SLC35F3: variants seen among roughly 807,000 people sequenced by gnomAD.
SLC35F3 encodes the protein solute carrier family 35 member F3.
A neutral mutation model predicts 49.9 loss-of-function variants in SLC35F3; 25 were observed. The ratio of observed to expected loss-of-function variants is 0.50; its 90% CI spans 0.37 to 0.70. The LOEUF (loss-of-function observed/expected upper bound fraction) is 0.70. SLC35F3 is among the 30% of genes least tolerant of loss of function. SLC35F3 has a pLI of 0.00. For synonymous variants in SLC35F3, 275 were observed against 265.4 expected (o/e 1.04, Z -0.35); for missense variants, 525 against 639.8 (o/e 0.82, Z 1.94).
intron 2 of SLC35F3, among the ~76,000 whole-genome samples, chr1:233,948,055 A>G (rs1016714975): frequency 2.0e-5 from 3 of 150,406 alleles, no homozygotes; most frequent in African/African-American, 7.4e-5. Context: ...AAGAGGCTGG[A>G]AACAGGTGGA....
chr1:234,304,049 CTTTCCTTCCTTTCCTTCCTTCCTTT>C (rs1174022738), intron 3 of SLC35F3, among the ~76,000 whole-genome samples: 1 of 104,762 alleles, frequency 9.5e-6, no homozygotes, highest in Non-Finnish European at 2.1e-5. Flanking sequence ...TTCCTTCTTT[CTTTCCTTCCTTTCCTTCCTTCCTTT>C]CTTCCTTCCT....
chr1:234,322,104 G>A (rs1348978672), intron 7 of SLC35F3, among the ~76,000 whole-genome samples: 1 of 151,692 alleles, frequency 6.6e-6, no homozygotes, highest in African/African-American at 2.4e-5. Context: ...CTGGATGGGA[G>A]AATCGCTTGA....
intron 2 of SLC35F3, among the ~76,000 whole-genome samples, chr1:233,930,092 T>A (rs554073420): frequency 2.6e-5 from 4 of 151,828 alleles, no homozygotes; most frequent in African/African-American, 9.7e-5. Context: ...GAAGCCATGA[T>A]GAGCTATGAT....
intron 2 of SLC35F3, among the ~76,000 whole-genome samples, chr1:233,932,384 G>A (rs1465943222): frequency 6.6e-6 from 1 of 152,134 alleles, no homozygotes; most frequent in African/African-American, 2.4e-5. Context: ...GTTCAAATCT[G>A]TGTTGTCGAA....
chr1:233,918,798 T>C (rs34686596), intron 2 of SLC35F3, among the ~76,000 whole-genome samples: 847 of 49,818 alleles, frequency 0.017, 4 homozygotes, highest in Admixed American at 0.077. Context: ...CTCTCTCTCT[T>C]TCTCTCTCTC....
At chr1:234,316,034 A>G (rs1307686677) in intron 4 of SLC35F3, among the ~76,000 whole-genome samples, 2 of 152,242 alleles carry the variant, frequency 1.3e-5, no homozygotes, top group Non-Finnish European at 2.9e-5. Context: ...AAGGAAAGGA[A>G]TAGCACCTCC....
chr1:234,024,637 T>A (rs1663948012), intron 2 of SLC35F3, among the ~76,000 whole-genome samples: 1 of 152,118 alleles, frequency 6.6e-6, no homozygotes, highest in Non-Finnish European at 1.5e-5. Flanking sequence ...TGCATGTTCA[T>A]ATTCCTCTGC....
intron 2 of SLC35F3, among the ~76,000 whole-genome samples, chr1:233,913,341 C>T (rs1019409887): frequency 1.3e-5 from 2 of 152,192 alleles, no homozygotes; most frequent in Non-Finnish European, 2.9e-5. Context: ...ATGCCTGTCA[C>T]CTTCCTCATC....
In SLC35F3 at chr1:234,268,055, C is replaced by T. The variant is rs1311817748; in HGVS notation, c.608+36314C>T. The stretch of plus-strand genomic sequence containing the variant: ...GCTCCTCACTTCCCAGACGGGGTGG[C>T]GGCCGGGCAGAGGCTGCAATCTCGG... On this transcript the variant is annotated intron_variant, in intron 3 of 7. Coordinates refer to ENST00000366618, the MANE Select transcript of SLC35F3 (RefSeq NM_173508.4). Among the ~76,000 whole-genome samples the T allele has an allele frequency of 5.3e-4, 80 of 152,070 alleles. 1 individual carries two copies. The highest frequency in any genetic ancestry group is 1.8e-3 in the African/African-American group (75 of 41,446).
intron 2 of SLC35F3, among the ~76,000 whole-genome samples, chr1:234,216,904 G>T (rs536019494): frequency 3.9e-4 from 60 of 152,310 alleles, no homozygotes; most frequent in African/African-American, 1.3e-3. Context: ...GCCCCTCGGG[G>T]CCTCATAAAA....
Position 234,231,457 on chromosome 1 carries a change from C to T in SLC35F3, c.324C>T (p.Ala108=), listed in dbSNP as rs758300347. 1.2e-6 allele frequency: 2 copies of T among 1,609,202 alleles called. No homozygotes were observed. Among genetic ancestry groups the T allele is most frequent in the Non-Finnish European group, 1.7e-6 (2 of 1,177,510 alleles). Residue 108 remains alanine (A), a synonymous_variant, in exon 3 of 8, where the codon GCC becomes GCT. Coordinates refer to ENST00000366618, the MANE Select transcript of SLC35F3 (RefSeq NM_173508.4). The surrounding 1 kb of genome is among the most constrained non-coding windows in gnomAD (Gnocchi z 5.4). Reference sequence around the variant, plus strand: ...GGGACTCCCCGGGCCCGGCGGAGGCCCAGGCACCGGCCGGGGTGGAGGCCG... The same window carrying T: ...GGGACTCCCCGGGCCCGGCGGAGGCTCAGGCACCGGCCGGGGTGGAGGCCG... ...RPRDSPGPAE[A]QAPAGVEAGG... is the part of the protein sequence containing the mutation.
intron 2 of SLC35F3, among the ~76,000 whole-genome samples, chr1:234,075,581 A>G (rs1180237307): frequency 6.6e-6 from 1 of 152,224 alleles, no homozygotes; most frequent in Non-Finnish European, 1.5e-5. Context: ...CTGAGAAACA[A>G]CTGAGGTCGT....
chr1:234,250,465 T>C (rs1297368628), intron 3 of SLC35F3, among the ~76,000 whole-genome samples: 1 of 151,750 alleles, frequency 6.6e-6, no homozygotes, highest in Non-Finnish European at 1.5e-5. Context: ...CCATCCCGGC[T>C]AAAACGGTGA....
chr1:234,166,332 C>A (rs1201528913), intron 2 of SLC35F3, among the ~76,000 whole-genome samples: 2 of 152,160 alleles, frequency 1.3e-5, no homozygotes, highest in Non-Finnish European at 2.9e-5. Context: ...CACCCAGAGT[C>A]CATAGTTTAT....
chr1:234,211,601 A>G (rs1442450999), intron 2 of SLC35F3, among the ~76,000 whole-genome samples: 1 of 152,236 alleles, frequency 6.6e-6, no homozygotes, highest in Non-Finnish European at 1.5e-5. Context: ...TTGGACTTGC[A>G]TGAGGCCTGT....
At chr1:233,938,091 A>G (rs899493086) in intron 2 of SLC35F3, among the ~76,000 whole-genome samples, 1 of 152,324 alleles carries the variant, frequency 6.6e-6, no homozygotes, top group East Asian at 1.9e-4. Context: ...GTTGAAAGCA[A>G]CAGACATTCA....
At chr1:234,140,002 A>AATAAAATAAAATAAAATAAAAAT in intron 2 of SLC35F3, among the ~76,000 whole-genome samples, 4 of 105,478 alleles carry the variant, frequency 3.8e-5, no homozygotes, top group Non-Finnish European at 4.7e-5. Context: ...AATAAAATAA[A>AATAAAATAAAATAAAATAAAAAT]GTAAGTGACT....
chr1:234,253,774 C>T (rs1317277349), intron 3 of SLC35F3, among the ~76,000 whole-genome samples: 1 of 152,100 alleles, frequency 6.6e-6, no homozygotes, highest in Non-Finnish European at 1.5e-5. Context: ...GGCTGAATGC[C>T]AAATAAGGTC....
At chr1:234,059,616 CTAGACATAGACATAGACA>C (rs55704046) in intron 2 of SLC35F3, among the ~76,000 whole-genome samples, 20,171 of 135,150 alleles carry the variant, frequency 0.15, 1,643 homozygotes, top group Admixed American at 0.18. Flanking sequence ...TAGACATAGA[CTAGACATAGACATAGACA>C]TAGACATAGA....
Sources: allele counts gnomAD v4.1 joint callset (sites outside exome capture counted in the v4.1 genomes callset), GRCh38; gene constraint gnomAD v4.1.1; non-coding constraint Gnocchi (gnomAD v3.1); transcripts MANE v1.5; gene names NCBI Gene and HGNC (gene_info 2026-07-23, HGNC 2026-07-21).